Variants in ZPBP observed in about 807,000 individuals in gnomAD.
ZPBP encodes the protein zona pellucida binding protein, also known as zona pellucida-binding protein 1.
Under a neutral mutation model 44.8 loss-of-function variants are expected in ZPBP, and 26 were observed. The observed-to-expected ratio is 0.58, with a 90% confidence interval of 0.43 to 0.81. The LOEUF (loss-of-function observed/expected upper bound fraction) is 0.81. ZPBP is among the 30% of genes least tolerant of loss of function. ZPBP has a pLI of 0.00. For synonymous variants in ZPBP, 174 were observed against 153.2 expected, an observed-to-expected ratio of 1.14 and a Z score of -1.00; for missense variants, 409 against 434.0, an observed-to-expected ratio of 0.94 and a Z score of 0.51.
intron 1 of ZPBP, among the ~76,000 whole-genome samples, chr7:49,924,640 C>A (rs935498048): frequency 1.1e-4 from 16 of 152,094 alleles, no homozygotes; most frequent in Admixed American, 7.2e-4. Flanking sequence ...GGGGCTGTCA[C>A]TAGAGACTCT....
chr7:50,054,707 G>C (rs1800849730), intron 4 of ZPBP, among the ~76,000 whole-genome samples: 1 of 152,162 alleles, frequency 6.6e-6, no homozygotes, highest in East Asian at 1.9e-4. Flanking sequence ...AATACCACTT[G>C]TAGTTTATAT....
Position 50,031,313 on chromosome 7 carries a change from GT to G in ZPBP, c.488-4del, listed in dbSNP as rs1799598223. The G allele has an allele frequency of 6.2e-7, 1 of 1,605,860 alleles. No homozygotes were observed. The highest frequency in any genetic ancestry group is 1.7e-5 in the Admixed American group (1 of 59,416). On this transcript the variant is annotated splice_region_variant and splice_polypyrimidine_tract_variant and intron_variant, in intron 4 of 7. Coordinates refer to ENST00000046087, the MANE Select transcript of ZPBP (RefSeq NM_007009.3). ...ATAATAATGAGGCTCACGATAAGCT[GT>G]AAAAAATTAACAAGAGAAAGACACA...
intron 3 of ZPBP, among the ~76,000 whole-genome samples, chr7:50,072,557 C>A (rs894530947): frequency 1.3e-5 from 2 of 152,170 alleles, no homozygotes; most frequent in Non-Finnish European, 2.9e-5. Context: ...CAGGTCTGAC[C>A]CAGTGTAGTC....
At chr7:49,842,056 C>T in the ZPBP span, among the ~76,000 whole-genome samples, 727 of 152,168 alleles carry the variant, frequency 4.8e-3, 4 homozygotes, top group African/African-American at 0.016. Flanking sequence ...TTAGTAGAAA[C>T]GAGGTTTCAC....
downstream of ZPBP, among the ~76,000 whole-genome samples, chr7:49,932,526 T>C (rs1794483364): frequency 6.6e-6 from 1 of 152,222 alleles, no homozygotes; most frequent in Admixed American, 6.5e-5. Flanking sequence ...TGGGCGTATT[T>C]ACCCAAAGCT....
chr7:49,885,492 C>CTG, intron 2 of ZPBP, among the ~76,000 whole-genome samples: 1 of 151,584 alleles, frequency 6.6e-6, no homozygotes. Flanking sequence ...AAATTACATT[C>CTG]TGAAAAGGTA....
chr7:50,037,659 G>A lies in ZPBP; in HGVS notation c.488-6349C>T, dbSNP rs570496987. ...CCATGATCTAATCACCTCCCAACAG[G>A]TCCTTCCCCCAAAATTGGGGAGTAC... On this transcript the variant is annotated intron_variant, in intron 4 of 7. Transcript: ENST00000046087. 7.9e-5 allele frequency among the ~76,000 whole-genome samples: 12 copies of A among 152,200 alleles called. No individual in the cohort carries two copies. In the South Asian group the frequency reaches 2.3e-3, roughly 29 times the overall value.
intron 2 of ZPBP, among the ~76,000 whole-genome samples, chr7:49,872,680 C>T (rs554696582): frequency 6.0e-5 from 9 of 149,090 alleles, no homozygotes; most frequent in South Asian, 2.1e-4. Flanking sequence ...TCAAGGTGGG[C>T]GGATCACCTG....
chr7:49,967,151 G>T (rs1796096446), intron 7 of ZPBP, among the ~76,000 whole-genome samples: 1 of 152,148 alleles, frequency 6.6e-6, no homozygotes, highest in Non-Finnish European at 1.5e-5. Flanking sequence ...GCTCTCATGA[G>T]CCCAGAGGGC....
chr7:49,869,769 G>A (rs1791059144), intron 2 of ZPBP, among the ~76,000 whole-genome samples: 1 of 152,130 alleles, frequency 6.6e-6, no homozygotes. Flanking sequence ...ACATCCAAGA[G>A]AATTGGATGT....
intron 2 of ZPBP, among the ~76,000 whole-genome samples, chr7:49,897,458 T>C (rs1241916282): frequency 6.6e-6 from 1 of 152,240 alleles, no homozygotes. Flanking sequence ...AAGGGGAGTT[T>C]ATTCCAGATA....
chr7:49,882,397 T>C (rs1177545940), intron 2 of ZPBP, among the ~76,000 whole-genome samples: 1 of 152,190 alleles, frequency 6.6e-6, no homozygotes, highest in Admixed American at 6.5e-5. Context: ...CCACTGTCTT[T>C]ATTTTGTCTT....
chr7:49,843,967 G>A, the ZPBP span, among the ~76,000 whole-genome samples: 1 of 152,212 alleles, frequency 6.6e-6, no homozygotes, highest in Admixed American at 6.5e-5. Context: ...TATTACAGGG[G>A]CCTATGTGTA....
At chr7:49,976,476 T>C (rs796194753) in intron 7 of ZPBP, among the ~76,000 whole-genome samples, 3 of 152,312 alleles carry the variant, frequency 2.0e-5, no homozygotes, top group African/African-American at 7.2e-5. Flanking sequence ...GTCATCCTAT[T>C]GCCTTTTGGT....
At chr7:50,056,219 T>A (rs1354003371) in intron 4 of ZPBP, 9 of 152,098 alleles carry the variant, frequency 5.9e-5, no homozygotes, top group Non-Finnish European at 1.3e-4. Flanking sequence ...CCAAAATGAG[T>A]CTTACTAAGC....
chr7:49,925,252 G>GCACACACA (rs1794192165), intron 1 of ZPBP, among the ~76,000 whole-genome samples: 1 of 152,100 alleles, frequency 6.6e-6, no homozygotes, highest in Admixed American at 6.6e-5. Flanking sequence ...GATATAGTAT[G>GCACACACA]CACACACACA....
At chr7:50,031,663 C>T (rs901435948) in intron 4 of ZPBP, among the ~76,000 whole-genome samples, 3 of 152,080 alleles carry the variant, frequency 2.0e-5, no homozygotes, top group Non-Finnish European at 4.4e-5. Context: ...TTTTATTTAC[C>T]TCAACACTAT....
intron 7 of ZPBP, 131 bp downstream of exon 7, chr7:49,983,211 C>T: frequency 2.4e-6 from 2 of 847,392 alleles, no homozygotes; most frequent in East Asian, 2.8e-5. Context: ...TTTTCAAATA[C>T]ACTACTTTAA....
chr7:49,864,719 C>T (rs1029966182), intron 2 of ZPBP, among the ~76,000 whole-genome samples: 1 of 152,230 alleles, frequency 6.6e-6, no homozygotes, highest in Non-Finnish European at 1.5e-5. Context: ...TTCAAACAGA[C>T]ATGCACAATA....
Sources: gnomAD v4.1 joint callset for allele counts (sites outside exome capture counted in the v4.1 genomes callset) on GRCh38, gnomAD v4.1.1 for gene constraint, MANE v1.5 for transcripts, NCBI Gene and HGNC (gene_info 2026-07-23, HGNC 2026-07-21) for gene names.